TECTA: variants seen among roughly 807,000 people sequenced by gnomAD.
TECTA encodes the protein tectorin alpha.
TECTA carries 128 observed loss-of-function variants against 216.8 expected under a neutral mutation model. The ratio of observed to expected loss-of-function variants is 0.59; its 90% CI spans 0.51 to 0.68. The LOEUF (loss-of-function observed/expected upper bound fraction) is 0.68, where lower values mean the gene tolerates loss of function less well. TECTA is among the 30% of genes least tolerant of loss of function. The pLI is 0.00. For missense variants in TECTA, 2,551 were observed against 2,786.2 expected (o/e 0.92, Z 1.90); for synonymous variants, 1,089 against 1,117.1 (o/e 0.97, Z 0.50).
Position 121,127,802 on chromosome 11 carries a change from A to C in TECTA, c.1825A>C (p.Ser609Arg). The C allele has an allele frequency of 6.2e-7, 1 of 1,614,184 alleles. No individual in the cohort carries two copies. Among genetic ancestry groups the C allele is most frequent in the Non-Finnish European group, 8.5e-7 (1 of 1,180,028 alleles). ...SFSHYSVCTS[S>R]CPDTCSDLTA... ...CAGCCACTACTCCGTGTGCACAAGC[A>C]GCTGCCCCGACACATGCTCCGACCT... is the stretch of plus-strand genomic sequence containing the variant. Residue 609 changes from serine (S) to arginine (R), a missense_variant, in exon 9 of 24, where the codon AGC becomes CGC. Transcript: ENST00000392793. The surrounding 1 kb of genome is among the most constrained non-coding windows in gnomAD (Gnocchi z 5.0).
At chr11:121,142,308 C>T (rs1031027651) in intron 11 of TECTA, among the ~76,000 whole-genome samples, 3 of 152,214 alleles carry the variant, frequency 2.0e-5, no homozygotes, top group Non-Finnish European at 2.9e-5. Flanking sequence ...AAGCCTGTTG[C>T]CATTCTAGCC....
At chr11:121,144,336 A>G (rs1480452370) in intron 11 of TECTA, among the ~76,000 whole-genome samples, 2 of 152,146 alleles carry the variant, frequency 1.3e-5, no homozygotes, top group East Asian at 1.9e-4. Context: ...TGGAGGGACA[A>G]TCCTGGGGCC....
chr11:121,173,218 T>C (rs368591620), intron 20 of TECTA, among the ~76,000 whole-genome samples: 2 of 151,006 alleles, frequency 1.3e-5, no homozygotes, highest in Admixed American at 1.3e-4. Context: ...TCAATTTTGG[T>C]TTTTGTTGCC....
At chr11:121,138,210 A>G (rs1359034555) in intron 11 of TECTA, among the ~76,000 whole-genome samples, 188 bp downstream of exon 11, 1 of 152,216 alleles carries the variant, frequency 6.6e-6, no homozygotes, top group Non-Finnish European at 1.5e-5. Flanking sequence ...GGCTCAGAGA[A>G]AAAAATGATT....
At chr11:121,162,465 C>G (rs1413591147) in intron 16 of TECTA, 95 bp downstream of exon 16, 1 of 1,424,460 alleles carries the variant, frequency 7.0e-7, no homozygotes, top group Non-Finnish European at 9.6e-7. Context: ...CTGGTCCTCT[C>G]CAGATTTACT....
In TECTA at chr11:121,175,096, A is replaced by AT. The variant is rs1947151594; in HGVS notation, c.5999+6172dup. On this transcript the variant is annotated intron_variant, in intron 20 of 23. Transcript: ENST00000392793. ...TTCTTCTCTCTTTTCTTCTTTATTA[A>AT]TCTTGCTAGCGGTCTATCAATTTTG... is the stretch of plus-strand genomic sequence containing the variant. 2.0e-5 allele frequency among the ~76,000 whole-genome samples: 3 copies of AT among 147,932 alleles called. No individual in the cohort carries two copies. In the Admixed American group the frequency reaches 2.0e-4, roughly 10 times the overall value.
intron 7 of TECTA, among the ~76,000 whole-genome samples, chr11:121,119,887 C>G (rs1025880388): frequency 6.6e-6 from 1 of 152,190 alleles, no homozygotes; most frequent in Non-Finnish European, 1.5e-5. Flanking sequence ...TTTGGTTAGT[C>G]TCTGTAGGGA....
chr11:121,113,752 G>C lies in TECTA; in HGVS notation c.790+34G>C. 6.2e-7 allele frequency: 1 copy of C among 1,611,544 alleles called. No individual in the cohort carries two copies. Among genetic ancestry groups the C allele is most frequent in the East Asian group, 2.2e-5 (1 of 44,870 alleles). Reference sequence around the variant, plus strand: ...TTTCCTCTGTCTGTGGCAAGGCAGGGTTTGTTTAGTGTAGATTGACAGGCA... The same window carrying C: ...TTTCCTCTGTCTGTGGCAAGGCAGGCTTTGTTTAGTGTAGATTGACAGGCA... On this transcript the variant is annotated intron_variant, in intron 6 of 23. Coordinates refer to ENST00000392793, the MANE Select transcript of TECTA (RefSeq NM_005422.4). This position sits in a 1 kb window ranked among gnomAD's most constrained non-coding sequence, Gnocchi z 4.2.
chr11:121,138,332 C>G (rs1946752085), intron 11 of TECTA, among the ~76,000 whole-genome samples: 1 of 152,202 alleles, frequency 6.6e-6, no homozygotes, highest in Admixed American at 6.5e-5. Flanking sequence ...AGCATCCCTG[C>G]TTGGTGGCTG....
At position 121,145,877 on chromosome 11, in the gene TECTA, C is replaced by T. The variant is rs368634844; in HGVS notation, c.3866C>T (p.Ala1289Val). 38 of 1,614,110 alleles carry T rather than the reference C, an allele frequency of 2.4e-5. No individual in the cohort carries two copies. Among genetic ancestry groups the T allele is most frequent in the Admixed American group, 1.3e-4 (8 of 60,006 alleles). ...TGTGGGGACCGCTGTCCGTCCTGTGCCAAGGTGGAAGGTTTCTCCAAAGTG... is the reference window on the plus strand; with the variant it reads ...TGTGGGGACCGCTGTCCGTCCTGTGTCAAGGTGGAAGGTTTCTCCAAAGTG... ...VGCGDRCPSC[A>V]KVEGFSKVQQ... The change falls in exon 12 of 24, where the codon GCC (alanine) becomes GTC (valine). Residue 1289 changes from alanine to valine, a missense_variant. Transcript: ENST00000392793.
intron 3 of TECTA, among the ~76,000 whole-genome samples, chr11:121,108,305 C>G (rs564036292): frequency 6.6e-6 from 1 of 150,492 alleles, no homozygotes; most frequent in South Asian, 2.1e-4. Flanking sequence ...ACACACCACT[C>G]CCAGTACACA....
At chr11:121,114,348 C>A (rs1208996927) in intron 6 of TECTA, among the ~76,000 whole-genome samples, 1 of 152,178 alleles carries the variant, frequency 6.6e-6, no homozygotes, top group Admixed American at 6.5e-5. Flanking sequence ...ATTGGGCACC[C>A]AAAGTTTGGA....
intron 16 of TECTA, among the ~76,000 whole-genome samples, chr11:121,163,371 T>TAG (rs1042482833): frequency 2.1e-4 from 32 of 150,234 alleles, no homozygotes; most frequent in Non-Finnish European, 3.5e-4. Context: ...AATACTCATG[T>TAG]TCTCACTCAT....
At chr11:121,149,890 A>G (rs115392260) in intron 12 of TECTA, among the ~76,000 whole-genome samples, 1,917 of 152,336 alleles carry the variant, frequency 0.013, 45 homozygotes, top group African/African-American at 0.043. Context: ...TTTTCCAAGA[A>G]TCAGGTGTTT....
chr11:121,102,594 A>G, intron 1 of TECTA, 71 bp from the exon 2 acceptor site: 1 of 1,208,846 alleles, frequency 8.3e-7, no homozygotes, highest in Non-Finnish European at 1.2e-6. Context: ...ATTAGCCACT[A>G]AACACACCTG....
chr11:121,126,996 T>C lies in TECTA; in HGVS notation c.1775-756T>C, dbSNP rs527932223. 2.0e-5 allele frequency among the ~76,000 whole-genome samples: 3 copies of C among 152,376 alleles called. No homozygotes were observed. In the East Asian group the frequency reaches 5.8e-4, roughly 29 times the overall value. ...CGCTTTCTTTTCTGGCTCAATGGAC[T>C]CTGTTTAATTCAGAGAGCTAGTTTG... On this transcript the variant is annotated intron_variant, in intron 8 of 23. Transcript: ENST00000392793.
rs1189836192 is a variant in TECTA at position 121,189,872 on chromosome 11, G to C, written c.6359G>C (p.Ser2120Thr). Reference sequence around the variant, plus strand: ...GGAACCCTGCAGGAGGACGGCAAGAGCTGCAGAGGTAGACACTCTTCTACC... The same window carrying C: ...GGAACCCTGCAGGAGGACGGCAAGACCTGCAGAGGTAGACACTCTTCTACC... ...VTGTLQEDGK[S>T]CRASNSSMEL... The change falls in exon 23 of 24, where the codon AGC becomes ACC. Residue 2120 changes from serine to threonine, a missense_variant. Transcript: ENST00000392793. The C allele has an allele frequency of 1.9e-6, 3 of 1,612,664 alleles. No homozygotes were observed. The East Asian group carries it at 6.7e-5, about 36-fold the overall frequency.
chr11:121,188,789 G>T (rs1947313278), intron 21 of TECTA, among the ~76,000 whole-genome samples: 2 of 152,182 alleles, frequency 1.3e-5, no homozygotes, highest in Non-Finnish European at 1.5e-5. Context: ...CCTATTCCTG[G>T]GCAGGGAGCC....
Position 121,125,584 on chromosome 11 carries a change from G to C in TECTA, c.1486G>C (p.Asp496His). ...LGESWRVYHA[D>H]WKCDSGCVDN... ...AGAGAGCTGGCGTGTGTACCACGCA[G>C]ACTGGAAGTGCGACTCCGGCTGCGT... is the stretch of plus-strand genomic sequence containing the variant. The change falls in exon 8 of 24, where the codon GAC (aspartate) becomes CAC (histidine). Residue 496 changes from aspartate (D) to histidine (H), a missense_variant. Coordinates refer to ENST00000392793, the MANE Select transcript of TECTA (RefSeq NM_005422.4). The C allele has an allele frequency of 6.2e-7, 1 of 1,613,958 alleles. No individual in the cohort carries two copies. The highest frequency in any genetic ancestry group is 1.1e-5 in the South Asian group (1 of 91,074).
Sources: allele counts gnomAD v4.1 joint callset (sites outside exome capture counted in the v4.1 genomes callset), GRCh38; gene constraint gnomAD v4.1.1; non-coding constraint Gnocchi (gnomAD v3.1); transcripts MANE v1.5; gene names NCBI Gene and HGNC (gene_info 2026-07-23, HGNC 2026-07-21).